Variants in SLC19A3 observed in about 807,000 individuals in gnomAD.
SLC19A3 encodes thiamine transporter 2.
In SLC19A3, 31 loss-of-function variants were observed where a neutral mutation model predicts 40.2. The ratio of observed to expected loss-of-function variants is 0.77; its 90% CI spans 0.58 to 1.04. The LOEUF (loss-of-function observed/expected upper bound fraction) is 1.04. SLC19A3 is among the 50% of genes least tolerant of loss of function. The pLI is 0.00. For missense variants in SLC19A3, 592 were observed against 596.7 expected, an observed-to-expected ratio of 0.99 and a Z score of 0.08; for synonymous variants, 212 against 227.5, an observed-to-expected ratio of 0.93 and a Z score of 0.61.
chr2:227,691,999 A>C (rs982861411), intron 4 of SLC19A3, among the ~76,000 whole-genome samples: 5 of 149,622 alleles, frequency 3.3e-5, no homozygotes, highest in Non-Finnish European at 7.4e-5. Flanking sequence ...TCCTATATAC[A>C]AACAACCTAT....
chr2:227,688,128 G>T (rs1205546467), intron 5 of SLC19A3, 38 bp downstream of exon 5: 1 of 1,612,946 alleles, frequency 6.2e-7, no homozygotes, highest in Admixed American at 1.7e-5. Context: ...AGAAATTTTT[G>T]AGGTTACCTA....
At chr2:227,693,299 G>A (rs2106323481) in intron 4 of SLC19A3, among the ~76,000 whole-genome samples, 1 of 152,130 alleles carries the variant, frequency 6.6e-6, no homozygotes, top group Non-Finnish European at 1.5e-5. Context: ...ACAAAAAACT[G>A]GAGGAATCAC....
intron 1 of SLC19A3, among the ~76,000 whole-genome samples, chr2:227,715,083 G>A (rs867207657): frequency 3.9e-5 from 6 of 152,090 alleles, no homozygotes; most frequent in Non-Finnish European, 7.4e-5. Flanking sequence ...GCCACTCAAA[G>A]TGCTGGGATT....
intron 1 of SLC19A3, among the ~76,000 whole-genome samples, chr2:227,717,095 C>T (rs905291445): frequency 2.0e-5 from 3 of 146,482 alleles, no homozygotes; most frequent in African/African-American, 7.6e-5. Flanking sequence ...CTTCGCCTCC[C>T]AAGTTCAAGC....
At chr2:227,708,008 T>C (rs1361897160) in intron 1 of SLC19A3, among the ~76,000 whole-genome samples, 1 of 152,190 alleles carries the variant, frequency 6.6e-6, no homozygotes, top group South Asian at 2.1e-4. Context: ...GGATTACACA[T>C]GTGAGCCACC....
At chr2:227,715,700 G>GA (rs1696311002) in intron 1 of SLC19A3, among the ~76,000 whole-genome samples, 1 of 152,206 alleles carries the variant, frequency 6.6e-6, no homozygotes, top group East Asian at 1.9e-4. Flanking sequence ...ATATGCCTAA[G>GA]AAAACCATAA....
At chr2:227,704,782 T>C (rs1695863262) in intron 1 of SLC19A3, among the ~76,000 whole-genome samples, 1 of 152,152 alleles carries the variant, frequency 6.6e-6, no homozygotes, top group Non-Finnish European at 1.5e-5. Flanking sequence ...TGAGATCTTG[T>C]CTCAAAAATA....
At chr2:227,706,231 T>G (rs1027850615) in intron 1 of SLC19A3, 1 of 938,910 alleles carries the variant, frequency 1.1e-6, no homozygotes, top group East Asian at 3.3e-5. Flanking sequence ...ATTATCCGCC[T>G]CTAAAAAAGT....
chr2:227,713,907 C>A (rs1023895351), intron 1 of SLC19A3, among the ~76,000 whole-genome samples: 10 of 149,520 alleles, frequency 6.7e-5, no homozygotes, highest in African/African-American at 2.4e-4. Context: ...ATGAAGATTT[C>A]ATTTACGCCA....
At chr2:227,694,713 G>A (rs1335433864) in intron 4 of SLC19A3, among the ~76,000 whole-genome samples, 1 of 152,128 alleles carries the variant, frequency 6.6e-6, no homozygotes. Context: ...AAAAGTAGAA[G>A]CAAAAATGAC....
chr2:227,707,611 TAAAA>T (rs976822295), intron 1 of SLC19A3, among the ~76,000 whole-genome samples: 1 of 144,008 alleles, frequency 6.9e-6, no homozygotes, highest in Non-Finnish European at 1.5e-5. Flanking sequence ...TAAAATATAA[TAAAA>T]AAAAACAAAT....
At chr2:227,701,009 C>T (rs1376852029) in intron 2 of SLC19A3, 13 of 1,304,192 alleles carry the variant, frequency 1.0e-5, no homozygotes, top group Non-Finnish European at 1.3e-5. Context: ...GGTCTGTTAA[C>T]TGGTCCACAG....
At chr2:227,696,814 C>A (rs1364809343) in intron 3 of SLC19A3, among the ~76,000 whole-genome samples, 1 of 152,030 alleles carries the variant, frequency 6.6e-6, no homozygotes, top group Non-Finnish European at 1.5e-5. Context: ...TCCTGTAATC[C>A]CAGCACTTTG....
At chr2:227,700,304 C>A (rs953379751) in intron 2 of SLC19A3, among the ~76,000 whole-genome samples, 12 of 151,466 alleles carry the variant, frequency 7.9e-5, no homozygotes, top group African/African-American at 2.7e-4. Context: ...CTTGGGAGGC[C>A]GAGGCAGGCA....
Position 227,698,717 on chromosome 2 carries a change from T to C in SLC19A3, c.979+19A>G, listed in dbSNP as rs112669453. 3,227 of 1,603,022 alleles carry C rather than the reference T, an allele frequency of 2.0e-3. 54 individuals are homozygous for C. The African/African-American group carries it at 0.037, about 19-fold the overall frequency. ...AGCGGGTAAAGCCAACAAAGGAAGA[T>C]TAAGTGACATTTGCTTACCTCCAAA... On this transcript the variant is annotated intron_variant, in intron 3 of 5. Transcript: ENST00000644224.
intron 1 of SLC19A3, among the ~76,000 whole-genome samples, chr2:227,710,270 G>A (rs1176874155): frequency 1.3e-5 from 2 of 152,144 alleles, no homozygotes; most frequent in Non-Finnish European, 2.9e-5. Context: ...TGTCTAGCCA[G>A]GCAGCCATCT....
At chr2:227,710,642 C>G (rs1320008205) in intron 1 of SLC19A3, among the ~76,000 whole-genome samples, 1 of 152,162 alleles carries the variant, frequency 6.6e-6, no homozygotes, top group Non-Finnish European at 1.5e-5. Flanking sequence ...TGATCTTCAG[C>G]TCCTTCCCCC....
rs540878146 is a variant in SLC19A3 at position 227,715,682 on chromosome 2, C to T, written c.-3+2261G>A. Among the ~76,000 whole-genome samples the T allele has an allele frequency of 7.9e-5, 12 of 152,190 alleles. No homozygotes were observed. The South Asian group carries it at 2.3e-3, about 29-fold the overall frequency. On this transcript the variant is annotated intron_variant, in intron 1 of 5. Coordinates refer to ENST00000644224, the MANE Select transcript of SLC19A3 (RefSeq NM_025243.4). Reference sequence around the variant, plus strand: ...CAGATCAATCTAGTCTTAGGGAGAGCAGGAGGAATATGCCTAAGAAAACCA... The same window carrying T: ...CAGATCAATCTAGTCTTAGGGAGAGTAGGAGGAATATGCCTAAGAAAACCA...
intron 4 of SLC19A3, among the ~76,000 whole-genome samples, chr2:227,691,132 T>C (rs1297917687): frequency 1.3e-5 from 2 of 152,080 alleles, no homozygotes; most frequent in Non-Finnish European, 2.9e-5. Flanking sequence ...TTGGAAACCA[T>C]AGAAACACAT....
Sources: allele counts gnomAD v4.1 joint callset (sites outside exome capture counted in the v4.1 genomes callset), GRCh38; gene constraint gnomAD v4.1.1; transcripts MANE v1.5; gene names NCBI Gene and HGNC (gene_info 2026-07-23, HGNC 2026-07-21).